The following CBLN4 variants were observed in gnomAD, a reference collection of about 807,000 sequenced individuals.
CBLN4 encodes the protein cerebellin 4 precursor, also known as cerebellin-4.
In CBLN4, 7 loss-of-function variants were observed where a neutral mutation model predicts 14.9. The observed-to-expected ratio is 0.47, with a 90% CI of 0.27 to 0.88. The LOEUF is 0.88. Among genes scored for constraint, CBLN4 ranks in the 40% least tolerant of loss-of-function variants. The pLI, the probability that CBLN4 is intolerant of heterozygous loss-of-function variation, is 0.14. For synonymous variants in CBLN4, 131 were observed against 116.5 expected (o/e 1.12, Z -0.80); for missense variants, 188 against 256.8 (o/e 0.73, Z 1.83).
In CBLN4 at chr20:56,005,346, A is replaced by C. The variant is rs1022890981; in HGVS notation, c.-1175T>G. 2 of 152,302 alleles carry C rather than the reference A, an allele frequency of 1.3e-5. No individual in the cohort carries two copies. The highest frequency in any genetic ancestry group is 4.8e-5 in the African/African-American group (2 of 41,464). 9.4% of individuals were successfully genotyped at this position (152,302 alleles called of 1,614,324 possible). On this transcript the variant is annotated 5_prime_UTR_variant, in exon 1 of 3. Transcript: ENST00000064571. ...GGAACTCTGCCGCCGAGTGCCCTCC[A>C]AGCGGAGCGCGGCGCTGCCAGGCCG...
In CBLN4 at chr20:56,004,717, GA is replaced by G. The variant is rs1272563511; in HGVS notation, c.-547del. ...GTCCTTCCCAGGCTGAGAAGAACGC[GA>G]GGCTGTGTTCATGGCCAGGACGCCA... On this transcript the variant is annotated 5_prime_UTR_variant, in exon 1 of 3. It removes the in-frame stop codon of an upstream open reading frame in the 5' UTR. Coordinates refer to ENST00000064571, the MANE Select transcript of CBLN4 (RefSeq NM_080617.6). The surrounding 1 kb of genome is among the most constrained non-coding windows in gnomAD (Gnocchi z 6.1). The G allele has an allele frequency of 6.6e-6, 1 of 152,664 alleles. No homozygotes were observed. The highest frequency in any genetic ancestry group is 1.5e-5 in the Non-Finnish European group (1 of 68,414). 9.5% of individuals were successfully genotyped at this position (152,664 alleles called of 1,614,324 possible). A position where few individuals can be genotyped will look rare whatever the true frequency, so the allele number is the denominator to read the frequency against.
intron 1 of CBLN4, among the ~76,000 whole-genome samples, chr20:56,003,158 G>A (rs1360311895): frequency 6.6e-6 from 1 of 152,226 alleles, no homozygotes; most frequent in Non-Finnish European, 1.5e-5. Context: ...ATGAGCCCGG[G>A]AAGGGAGAAC....
In CBLN4 at chr20:56,000,728, C is replaced by T. The variant is rs1334586559; in HGVS notation, c.408+3G>A. 2.0e-6 allele frequency: 3 copies of T among 1,535,828 alleles called. No homozygotes were observed. In the African/African-American group the frequency reaches 4.2e-5, roughly 21 times the overall value. ...TATGGATGGAAGAGGTCAAAACACA[C>T]ACCTGGATAGTTTGGCTCTGGTAGA... is the stretch of plus-strand genomic sequence containing the variant. On this transcript the variant is annotated splice_donor_region_variant and intron_variant, in intron 2 of 2. Coordinates refer to ENST00000064571, the MANE Select transcript of CBLN4 (RefSeq NM_080617.6).
intron 2 of CBLN4, among the ~76,000 whole-genome samples, chr20:55,999,928 A>T (rs1220970615): frequency 6.6e-6 from 1 of 152,212 alleles, no homozygotes; most frequent in Non-Finnish European, 1.5e-5. Context: ...CCATTTATCC[A>T]TTTACTAGGA....
Position 56,003,914 on chromosome 20 carries a change from C to G in CBLN4, c.258G>C (p.Met86Ile), listed in dbSNP as rs750056417. The change falls in exon 1 of 3, where the codon ATG becomes ATC. Residue 86 changes from methionine to isoleucine, a missense_variant. Around this residue, in one of 2 missense-constraint regions of CBLN4, gnomAD observed 93 missense variants for 157.7 expected, o/e 0.59. Coordinates refer to ENST00000064571, the MANE Select transcript of CBLN4 (RefSeq NM_080617.6). ...VRSTNHEPSE[M>I]SNKTRIIYFD... is the part of the protein sequence containing the mutation. ...AGTAAATGATGCGCGTCTTGTTGCT[C>G]ATCTCGGATGGCTCGTGGTTGGTGC... The G allele has an allele frequency of 6.2e-7, 1 of 1,613,108 alleles. No homozygotes were observed. Among genetic ancestry groups the G allele is most frequent in the Non-Finnish European group, 8.5e-7 (1 of 1,179,578 alleles).
Position 56,000,860 on chromosome 20 carries a change from A to C in CBLN4, c.292-13T>G. ...CATTCACCAGGATCTACAAATAAAA[A>C]TAATAAATAACAATAAGTTATTATA... On this transcript the variant is annotated splice_polypyrimidine_tract_variant and intron_variant, in intron 1 of 2. Coordinates refer to ENST00000064571, the MANE Select transcript of CBLN4 (RefSeq NM_080617.6). The C allele has an allele frequency of 7.3e-7, 1 of 1,363,520 alleles. No homozygotes were observed. Among genetic ancestry groups the C allele is most frequent in the Non-Finnish European group, 1.0e-6 (1 of 993,172 alleles). The allele number at this position is 1,363,520 out of a possible 1,614,324, so 84.5% of individuals were successfully genotyped here.
chr20:56,005,082 G>C lies in CBLN4; in HGVS notation c.-911C>G, dbSNP rs1441834784. 6.6e-6 allele frequency: 1 copy of C among 152,492 alleles called. No homozygotes were observed. The highest frequency in any genetic ancestry group is 1.5e-5 in the Non-Finnish European group (1 of 68,278). The allele number at this position is 152,492 out of a possible 1,614,324, so 9.4% of individuals were successfully genotyped here. On this transcript the variant is annotated 5_prime_UTR_variant, in exon 1 of 3. Coordinates refer to ENST00000064571, the MANE Select transcript of CBLN4 (RefSeq NM_080617.6). ...CCGAGAAAAGGGGGAGAAGGCGTCTGGTGACCCCATCTGAGCAGCTCTCTC... is the reference window on the plus strand; with the variant it reads ...CCGAGAAAAGGGGGAGAAGGCGTCTCGTGACCCCATCTGAGCAGCTCTCTC...
rs1986316772 is a variant in CBLN4 at position 55,998,483 on chromosome 20, T to C, written c.*74A>G. ...CCAATAAAAGACATCAATCCAATGA[T>C]GAAAAAATGATCTTCCAATAACTCA... On this transcript the variant is annotated 3_prime_UTR_variant, in exon 3 of 3. Transcript: ENST00000064571. 1.2e-5 allele frequency: 18 copies of C among 1,532,122 alleles called. No homozygotes were observed. Among genetic ancestry groups the C allele is most frequent in the African/African-American group, 9.6e-5 (7 of 72,760 alleles). The allele number at this position is 1,532,122 out of a possible 1,614,324, so 94.9% of individuals were successfully genotyped here.
At chr20:56,003,328 C>T (rs1300959299) in intron 1 of CBLN4, among the ~76,000 whole-genome samples, 2 of 152,252 alleles carry the variant, frequency 1.3e-5, no homozygotes, top group Non-Finnish European at 2.9e-5. Context: ...GTGGAACCTG[C>T]AGGCGAGATC....
rs1188419381 is a variant in CBLN4, at chr20:55,997,559, G to C, written c.*998C>G. ...TATGGGATATTTGAATTTAATATTA[G>C]CTAAACAGATAAATATATACAATTT... On this transcript the variant is annotated 3_prime_UTR_variant, in exon 3 of 3. Coordinates refer to ENST00000064571, the MANE Select transcript of CBLN4 (RefSeq NM_080617.6). The C allele has an allele frequency of 6.6e-6, 1 of 152,402 alleles. No individual in the cohort carries two copies. The highest frequency in any genetic ancestry group is 1.5e-5 in the Non-Finnish European group (1 of 67,982). The allele number at this position is 152,402 out of a possible 1,614,324, so 9.4% of individuals were successfully genotyped here.
In CBLN4 at chr20:55,997,854, T is replaced by G. The variant is rs1600859938; in HGVS notation, c.*703A>C. ...GATTTTGGGTAAGCAACTTTTTCCT[T>G]GTCAGATTTATGATCTATTCTTCTT... On this transcript the variant is annotated 3_prime_UTR_variant, in exon 3 of 3. Transcript: ENST00000064571. The G allele has an allele frequency of 6.5e-6, 1 of 152,754 alleles. No individual in the cohort carries two copies. The highest frequency in any genetic ancestry group is 1.9e-4 in the East Asian group (1 of 5,190). 9.5% of individuals were successfully genotyped at this position (152,754 alleles called of 1,614,324 possible).
intron 2 of CBLN4, among the ~76,000 whole-genome samples, chr20:55,999,551 T>A (rs928104886): frequency 6.6e-6 from 1 of 152,144 alleles, no homozygotes; most frequent in African/African-American, 2.4e-5. Flanking sequence ...TTGCTTGAAC[T>A]CAGGGGTTTG....
rs1031249467 is a variant in CBLN4, at chr20:56,004,294, G to T, written c.-123C>A. 1.1e-5 allele frequency: 10 copies of T among 946,578 alleles called. No homozygotes were observed. The highest frequency in any genetic ancestry group is 4.0e-5 in the Admixed American group (1 of 24,936). 58.6% of individuals were successfully genotyped at this position (946,578 alleles called of 1,614,324 possible). On this transcript the variant is annotated 5_prime_UTR_variant, in exon 1 of 3. Coordinates refer to ENST00000064571, the MANE Select transcript of CBLN4 (RefSeq NM_080617.6). The surrounding 1 kb of genome is among the most constrained non-coding windows in gnomAD (Gnocchi z 6.1). ...AGGTCGACAGCGCTGCAGGAGCGAC[G>T]GCGGCGGCGGCGCGCACACTTCCAC...
At chr20:56,003,475 T>C (rs6098942) in intron 1 of CBLN4, among the ~76,000 whole-genome samples, 15,723 of 152,186 alleles carry the variant, frequency 0.1, 2,733 homozygotes, top group African/African-American at 0.36. Context: ...TCCGCAAAGG[T>C]ACCCAGGGAG....
At position 56,003,914 on chromosome 20, in the gene CBLN4, C is replaced by T. The variant is rs750056417; in HGVS notation, c.258G>A (p.Met86Ile). The change falls in exon 1 of 3, where the codon ATG becomes ATA. Residue 86 changes from methionine to isoleucine, a missense_variant. Transcript: ENST00000064571. ...AGTAAATGATGCGCGTCTTGTTGCT[C>T]ATCTCGGATGGCTCGTGGTTGGTGC... is the stretch of plus-strand genomic sequence containing the variant. ...VRSTNHEPSE[M>I]SNKTRIIYFD... is the part of the protein sequence containing the mutation. 9 of 1,613,108 alleles carry T rather than the reference C, an allele frequency of 5.6e-6. No homozygotes were observed. The highest frequency in any genetic ancestry group is 7.6e-6 in the Non-Finnish European group (9 of 1,179,578).
chr20:56,001,631 C>A (rs945769347), intron 1 of CBLN4, among the ~76,000 whole-genome samples: 4 of 152,186 alleles, frequency 2.6e-5, no homozygotes, highest in African/African-American at 9.7e-5. Flanking sequence ...GTGGCTTTCC[C>A]TGTTCCTCCC....
rs144222145 is a variant in CBLN4, at chr20:56,004,100, G to T, written c.72C>A (p.Pro24=). The stretch of plus-strand genomic sequence containing the variant: ...GCTCCGTGTCGTTCTGTGCCCAGAC[G>T]GGCAGCCCCGGCAGCGTGAGGACCA... ...VLLVLTLPGL[P]VWAQNDTEPI... Residue 24 remains proline (P), a synonymous_variant, in exon 1 of 3, where the codon CCC becomes CCA. Transcript: ENST00000064571. This position sits in a 1 kb window ranked among gnomAD's most constrained non-coding sequence, Gnocchi z 6.1. 250 of 1,608,774 alleles carry T rather than the reference G, an allele frequency of 1.6e-4. 1 individual carries two copies. In the African/African-American group the frequency reaches 2.9e-3, roughly 19 times the overall value.
chr20:56,003,115 T>C (rs1214642988), intron 1 of CBLN4, among the ~76,000 whole-genome samples: 1 of 152,220 alleles, frequency 6.6e-6, no homozygotes, highest in Admixed American at 6.5e-5. Context: ...AAAGTCTGTC[T>C]TTCCCCAGCT....
At chr20:56,003,060 G>A (rs1986401151) in intron 1 of CBLN4, among the ~76,000 whole-genome samples, 1 of 152,202 alleles carries the variant, frequency 6.6e-6, no homozygotes, top group Non-Finnish European at 1.5e-5. Flanking sequence ...TCGCTAAACA[G>A]CAGCTACAGC....
Sources: gnomAD v4.1 joint callset for allele counts (sites outside exome capture counted in the v4.1 genomes callset) on GRCh38, gnomAD v4.1.1 for gene constraint, gnomAD v4.1.1 regional missense constraint, Gnocchi (gnomAD v3.1) non-coding constraint, MANE v1.5 for transcripts, NCBI Gene and HGNC (gene_info 2026-07-23, HGNC 2026-07-21) for gene names.